The following URB2 variants were observed in gnomAD, a reference collection of about 807,000 sequenced individuals.
The protein encoded by URB2 is URB2 ribosome biogenesis homolog, also known as unhealthy ribosome biogenesis protein 2 homolog.
Under a neutral mutation model 120.9 loss-of-function variants are expected in URB2, and 86 were observed. The observed-to-expected ratio is 0.71, with a 90% CI of 0.60 to 0.85. The LOEUF (loss-of-function observed/expected upper bound fraction) is 0.85. Among genes scored for constraint, URB2 ranks in the 40% least tolerant of loss-of-function variants. The pLI, the probability that URB2 is intolerant of heterozygous loss-of-function variation, is 0.00. For synonymous variants in URB2, 755 were observed against 758.4 expected, an observed-to-expected ratio of 1.00 and a Z score of 0.07; for missense variants, 1,765 against 1,836.5, an observed-to-expected ratio of 0.96 and a Z score of 0.71.
At chr1:229,656,003 A>C (rs182025562) in intron 9 of URB2, among the ~76,000 whole-genome samples, 56 of 152,280 alleles carry the variant, frequency 3.7e-4, no homozygotes, top group African/African-American at 1.2e-3. Flanking sequence ...GTGGGTGGGG[A>C]CATGGGGGCA....
At chr1:229,653,784 T>A (rs1382554100) in intron 8 of URB2, among the ~76,000 whole-genome samples, 1 of 152,184 alleles carries the variant, frequency 6.6e-6, no homozygotes, top group Non-Finnish European at 1.5e-5. Context: ...AAAAGGCACA[T>A]ACACAAACAA....
At chr1:229,656,783 T>C (rs1558174069) in intron 9 of URB2, among the ~76,000 whole-genome samples, 1 of 152,182 alleles carries the variant, frequency 6.6e-6, no homozygotes, top group Non-Finnish European at 1.5e-5. Context: ...CTCCAAGCAG[T>C]AATGAGTCCC....
In URB2 at chr1:229,635,872, A is replaced by C; in HGVS notation, c.1259A>C (p.His420Pro). The C allele has an allele frequency of 6.2e-7, 1 of 1,614,196 alleles. No individual in the cohort carries two copies. The highest frequency in any genetic ancestry group is 8.5e-7 in the Non-Finnish European group (1 of 1,180,038). Residue 420 changes from histidine (H) to proline (P), a missense_variant, in exon 4 of 10, where the codon CAT (histidine) becomes CCT (proline). Physicochemically the swap from His to Pro is moderately conservative, Grantham distance 77 (BLOSUM62 -2). Transcript: ENST00000258243. ...CTGAAGACTTTGATATCTCTGAATC[A>C]TTTGATTTTGGAGCCAGACCTGGAT... ...RCLKTLISLNHLILEPDLDDL... is the reference protein window; with the variant it reads ...RCLKTLISLNPLILEPDLDDL...
chr1:229,653,940 T>TG (rs1666340284), intron 8 of URB2, among the ~76,000 whole-genome samples: 2 of 149,452 alleles, frequency 1.3e-5, no homozygotes, highest in African/African-American at 4.9e-5. Context: ...CTTGGTGTTT[T>TG]TTTTTTTTTT....
At chr1:229,642,299 G>C (rs180930083) in intron 4 of URB2, among the ~76,000 whole-genome samples, 11 of 152,082 alleles carry the variant, frequency 7.2e-5, no homozygotes, top group Admixed American at 3.9e-4. Flanking sequence ...GCCTTTTTTT[G>C]TTTGCCAGCC....
chr1:229,645,954 A>G lies in URB2; in HGVS notation c.3891A>G (p.Ile1297Met), dbSNP rs759227710. Reference protein sequence around the residue: ...ASLLWRACPQIVTALTLLNRE... With the variant: ...ASLLWRACPQMVTALTLLNRE... The stretch of plus-strand genomic sequence containing the variant: ...TGTTGTGGCGTGCGTGTCCCCAGAT[A>G]GTCACAGCTTTAACAGTGAGTACCC... Residue 1297 changes from isoleucine to methionine, a missense_variant, in exon 6 of 10, where the codon ATA becomes ATG. Coordinates refer to ENST00000258243, the MANE Select transcript of URB2 (RefSeq NM_014777.4). 3 of 1,614,176 alleles carry G rather than the reference A, an allele frequency of 1.9e-6. No homozygotes were observed. The South Asian group carries it at 3.3e-5, about 18-fold the overall frequency.
At chr1:229,652,052 G>A (rs1359004872) in intron 8 of URB2, among the ~76,000 whole-genome samples, 1 of 151,990 alleles carries the variant, frequency 6.6e-6, no homozygotes, top group Non-Finnish European at 1.5e-5. Flanking sequence ...CGTGATGGTG[G>A]ACTCCTGTAA....
chr1:229,642,245 A>T, intron 4 of URB2, among the ~76,000 whole-genome samples: 1 of 152,102 alleles, frequency 6.6e-6, no homozygotes, highest in East Asian at 1.9e-4. Flanking sequence ...GGCAGGTGGA[A>T]ATGGGAGCCT....
chr1:229,654,128 AG>A, intron 8 of URB2, 120 bp from the exon 9 acceptor site: 2 of 1,418,950 alleles, frequency 1.4e-6, no homozygotes, highest in African/African-American at 2.8e-5. Flanking sequence ...AGCCAATTAA[AG>A]AGTCTGGGAA....
intron 8 of URB2, among the ~76,000 whole-genome samples, chr1:229,653,966 A>G (rs1253714550): frequency 7.6e-6 from 1 of 131,340 alleles, no homozygotes; most frequent in Non-Finnish European, 1.6e-5. Context: ...TTTTTAAGTA[A>G]TCCTAGATTT....
intron 9 of URB2, among the ~76,000 whole-genome samples, chr1:229,656,987 C>T (rs1329889231): frequency 6.6e-6 from 1 of 152,098 alleles, no homozygotes; most frequent in Non-Finnish European, 1.5e-5. Flanking sequence ...GTGAAAAAAT[C>T]GTAAGTTGAA....
chr1:229,638,645 C>CA (rs79757347), intron 4 of URB2, among the ~76,000 whole-genome samples: 19,076 of 135,722 alleles, frequency 0.14, 1,838 homozygotes, highest in East Asian at 0.43. Context: ...GAGTCTGTCT[C>CA]AAAAAAAAAA....
At position 229,635,336 on chromosome 1, in the gene URB2, C is replaced by T. The variant is rs147293351; in HGVS notation, c.723C>T (p.Phe241=). 247 of 1,614,122 alleles carry T rather than the reference C, an allele frequency of 1.5e-4. No individual in the cohort carries two copies. Among genetic ancestry groups the T allele is most frequent in the Non-Finnish European group, 2.0e-4 (241 of 1,179,966 alleles). ...RDIRSQIEAM[F]RGGIFQPELL... ...TCAGGAGTCAGATTGAGGCCATGTT[C>T]CGAGGAGGGATTTTTCAGCCTGAGC... Residue 241 remains phenylalanine (F), a synonymous_variant, in exon 4 of 10, where the codon TTC becomes TTT. Coordinates refer to ENST00000258243, the MANE Select transcript of URB2 (RefSeq NM_014777.4).
chr1:229,648,467 G>A (rs980717543), intron 7 of URB2, among the ~76,000 whole-genome samples: 4 of 152,220 alleles, frequency 2.6e-5, no homozygotes, highest in Non-Finnish European at 5.9e-5. Context: ...AGGGAATGAA[G>A]CATCCTGAGT....
chr1:229,630,282 T>C (rs1665626280), intron 2 of URB2, among the ~76,000 whole-genome samples: 2 of 152,222 alleles, frequency 1.3e-5, no homozygotes, highest in Admixed American at 1.3e-4. Flanking sequence ...TCTTAAATAA[T>C]AAGACTTGAA....
rs757115164 is a variant in URB2, at chr1:229,651,318, C to T, written c.4233C>T (p.Asp1411=). ...FSVMREGRQK[D]KGSIDDLPTV... Reference sequence around the variant, plus strand: ...TTATGCGGGAAGGGCGGCAGAAGGACAAAGGTAATTTGGAGTAACATCAGA... The same window carrying T: ...TTATGCGGGAAGGGCGGCAGAAGGATAAAGGTAATTTGGAGTAACATCAGA... The change falls in exon 8 of 10, where the codon GAC becomes GAT. Residue 1411 remains aspartate, a synonymous_variant. Coordinates refer to ENST00000258243, the MANE Select transcript of URB2 (RefSeq NM_014777.4). 11 of 1,610,714 alleles carry T rather than the reference C, an allele frequency of 6.8e-6. No homozygotes were observed. In the African/African-American group the frequency reaches 1.2e-4, roughly 18 times the overall value.
At chr1:229,643,412 C>A in intron 4 of URB2, 121 bp from the exon 5 acceptor site, 1 of 1,136,216 alleles carries the variant, frequency 8.8e-7, no homozygotes, top group Admixed American at 2.1e-5. Flanking sequence ...CTTATATCAC[C>A]ATGCCCCTAA....
chr1:229,628,128 CATATATAA>C (rs1665563068), intron 2 of URB2, among the ~76,000 whole-genome samples: 1 of 119,520 alleles, frequency 8.4e-6, no homozygotes, highest in African/African-American at 3.5e-5. Context: ...TGTATATATA[CATATATAA>C]TATATATATA....
chr1:229,651,691 A>G (rs34590774), intron 8 of URB2, among the ~76,000 whole-genome samples: 2,545 of 152,312 alleles, frequency 0.017, 34 homozygotes, highest in Middle Eastern at 0.037. Flanking sequence ...ACAGGCAGGT[A>G]TAGAGCAATC....
Sources: allele counts gnomAD v4.1 joint callset (sites outside exome capture counted in the v4.1 genomes callset), GRCh38; gene constraint gnomAD v4.1.1; transcripts MANE v1.5; gene names NCBI Gene and HGNC (gene_info 2026-07-23, HGNC 2026-07-21).